Variants in F8 observed in about 807,000 individuals in gnomAD.
The protein encoded by F8 is antihemophilic factor.
A neutral mutation model predicts 140.6 loss-of-function variants in F8; 12 were observed. The observed-to-expected ratio is 0.09, with a 90% CI of 0.05 to 0.14. The LOEUF (loss-of-function observed/expected upper bound fraction) is 0.14, where lower values mean the gene tolerates loss of function less well. Ranked by LOEUF, F8 falls within the 10% of genes least tolerant of loss-of-function variation. The pLI is 1.00. For synonymous variants in F8, 585 were observed against 614.6 expected (o/e 0.95, Z 0.71); for missense variants, 1,354 against 1,720.7 (o/e 0.79, Z 3.77).
rs376314518 is a variant in F8, at chrX:154,983,186, G to C, written c.787+1501C>G. 3.6e-5 allele frequency among the ~76,000 whole-genome samples: 4 copies of C among 111,829 alleles called. No homozygotes were observed. The East Asian group carries it at 1.1e-3, about 31-fold the overall frequency. ...ACCATTGTGTTTATAATTTTTATGA[G>C]CACGTTTTGTTATGATTGTTTTTCA... On this transcript the variant is annotated intron_variant, in intron 6 of 25. Coordinates refer to ENST00000360256, the MANE Select transcript of F8 (RefSeq NM_000132.4).
chrX:154,940,753 G>A (rs1383450727), intron 13 of F8, among the ~76,000 whole-genome samples: 1 of 111,814 alleles, frequency 8.9e-6, no homozygotes, highest in Non-Finnish European at 1.9e-5. Flanking sequence ...AAATGTTAAG[G>A]ACAGCCAGAC....
intron 14 of F8, chrX:154,909,291 G>A (rs2073053152): frequency 1.5e-5 from 2 of 135,802 alleles, no homozygotes; most frequent in Admixed American, 9.2e-5. Context: ...TCCTGGAGAG[G>A]TAGGCACAAG....
chrX:154,969,489 T>C lies in F8; in HGVS notation c.851A>G (p.Glu284Gly). The change falls in exon 7 of 26, where the codon GAA (glutamate) becomes GGA (glycine). Residue 284 changes from glutamate to glycine, a missense_variant. This residue lies in a region of F8 where 128 missense variants were observed against 230.4 expected (regional missense o/e 0.56). Transcript: ENST00000360256. ...ACCTTCGAGGAATATTGAGTGCACT[T>C]CAGGAGTGGTGCCCATTCCAATCAC... The part of the protein sequence containing the change: ...WHVIGMGTTP[E>G]VHSIFLEGHT... 1 of 1,211,343 alleles carries C rather than the reference T, an allele frequency of 8.3e-7. No homozygotes were observed. The highest frequency in any genetic ancestry group is 1.1e-6 in the Non-Finnish European group (1 of 895,299).
intron 6 of F8, among the ~76,000 whole-genome samples, chrX:154,983,313 G>T (rs1557283908): frequency 9.0e-6 from 1 of 111,517 alleles, no homozygotes; most frequent in East Asian, 2.8e-4. Flanking sequence ...CAGTTCAGTG[G>T]TATATATACA....
chrX:154,894,739 C>G (rs1030136080), intron 22 of F8, among the ~76,000 whole-genome samples: 2 of 95,222 alleles, frequency 2.1e-5, no homozygotes, highest in Admixed American at 1.1e-4. Flanking sequence ...TCCTACCCCC[C>G]CTCAAAAAGA....
chrX:154,965,806 C>G, intron 9 of F8, 164 bp downstream of exon 9: 2 of 499,141 alleles, frequency 4.0e-6, no homozygotes, highest in Non-Finnish European at 6.6e-6. Context: ...ATTCTATATA[C>G]TCAAACTTTA....
intron 22 of F8, among the ~76,000 whole-genome samples, chrX:154,891,985 G>A (rs1386192133): frequency 9.0e-6 from 1 of 111,706 alleles, no homozygotes; most frequent in Non-Finnish European, 1.9e-5. Context: ...AGAGACTGGG[G>A]AGTGGTTGCC....
chrX:154,902,216 G>A, intron 18 of F8, 49 bp from the exon 19 acceptor site: 1 of 942,419 alleles, frequency 1.1e-6, no homozygotes, highest in South Asian at 1.9e-5. Context: ...ACTAAAAAAT[G>A]AGCATGAGAT....
At position 154,993,151 on chromosome X, in the gene F8, A is replaced by G. The variant is rs782422456; in HGVS notation, c.389-3T>C. 1 of 1,202,396 alleles carries G rather than the reference A, an allele frequency of 8.3e-7. No individual in the cohort carries two copies. The highest frequency in any genetic ancestry group is 1.1e-6 in the Non-Finnish European group (1 of 888,185). On this transcript the variant is annotated splice_region_variant and splice_polypyrimidine_tract_variant and intron_variant, in intron 3 of 25. Transcript: ENST00000360256. The stretch of plus-strand genomic sequence containing the variant: ...GGTCTGATCATCATATTCAGCTCCT[A>G]TAGCAGGAAGAAATAAAATTGTCCT...
At chrX:154,900,976 C>G (rs2073006920) in intron 20 of F8, among the ~76,000 whole-genome samples, 1 of 112,749 alleles carries the variant, frequency 8.9e-6, no homozygotes, top group Non-Finnish European at 1.9e-5. Flanking sequence ...ACATGCCATA[C>G]AAAAACAGGC....
intron 13 of F8, among the ~76,000 whole-genome samples, chrX:154,944,765 C>T (rs1255240185): frequency 4.5e-5 from 5 of 111,493 alleles, no homozygotes; most frequent in African/African-American, 1.6e-4. Flanking sequence ...GACTTGGAAC[C>T]AACCCAAATG....
intron 22 of F8, among the ~76,000 whole-genome samples, chrX:154,888,406 T>TTTTTTTTTTTTTG: frequency 1.4e-5 from 1 of 73,725 alleles, no homozygotes; most frequent in Non-Finnish European, 2.4e-5. Flanking sequence ...TTTTTTTTTT[T>TTTTTTTTTTTTTG]CCCCCCGAGA....
chrX:154,919,415 A>G (rs782810357), intron 14 of F8, among the ~76,000 whole-genome samples: 1 of 111,278 alleles, frequency 9.0e-6, no homozygotes, highest in South Asian at 3.9e-4. Context: ...TTCATTCTTC[A>G]ATAAAATATT....
chrX:154,988,810 C>G lies in F8; in HGVS notation c.602-1505G>C, dbSNP rs140815785. Among the ~76,000 whole-genome samples the G allele has an allele frequency of 6.7e-3, 752 of 111,721 alleles. 5 individuals are homozygous for G. Among genetic ancestry groups the G allele is most frequent in the Middle Eastern group, 0.023 (5 of 217 alleles). On this transcript the variant is annotated intron_variant, in intron 4 of 25. Transcript: ENST00000360256. ...ATGGCCCTAAACAAAGAGTGAGCAG[C>G]AGCTGTGCTCAGCTCTCTTTCAAGT...
intron 14 of F8, among the ~76,000 whole-genome samples, chrX:154,915,583 G>A (rs782703193): frequency 9.0e-6 from 1 of 111,239 alleles, no homozygotes; most frequent in African/African-American, 3.3e-5. Context: ...TATAGCTATT[G>A]AAAATGAAAA....
chrX:154,877,558 T>C (rs1557274129), intron 22 of F8, among the ~76,000 whole-genome samples: 1 of 110,882 alleles, frequency 9.0e-6, no homozygotes, highest in African/African-American at 3.3e-5. Context: ...AGTGGCGCCA[T>C]CTCCGCTCAC....
At chrX:154,906,104 A>T (rs1300824407) in intron 15 of F8, among the ~76,000 whole-genome samples, 1 of 111,998 alleles carries the variant, frequency 8.9e-6, no homozygotes, top group East Asian at 2.8e-4. Context: ...AAATGGTTAC[A>T]TAAACTATGG....
chrX:154,980,472 A>G lies in F8; in HGVS notation c.787+4215T>C, dbSNP rs782120212. Among the ~76,000 whole-genome samples, 30 of 112,033 alleles carry G rather than the reference A, an allele frequency of 2.7e-4. 1 individual carries two copies. The highest frequency in any genetic ancestry group is 8.1e-4 in the African/African-American group (25 of 30,787). On this transcript the variant is annotated intron_variant, in intron 6 of 25. Transcript: ENST00000360256. ...CTATTTTGAATTCTTTGTCTACCAGATCATTCACCTGCATGTCTTTAGGAT... is the reference window on the plus strand; with the variant it reads ...CTATTTTGAATTCTTTGTCTACCAGGTCATTCACCTGCATGTCTTTAGGAT...
At chrX:154,904,555 A>G (rs782163304) in intron 16 of F8, 31 bp from the exon 17 acceptor site, 3 of 1,126,323 alleles carry the variant, frequency 2.7e-6, no homozygotes, top group Non-Finnish European at 3.7e-6. Flanking sequence ...TCCTATGAGT[A>G]TAAGCTCTCT....
Sources: gnomAD v4.1 joint callset for allele counts (sites outside exome capture counted in the v4.1 genomes callset) on GRCh38, gnomAD v4.1.1 for gene constraint, gnomAD v4.1.1 regional missense constraint, MANE v1.5 for transcripts, NCBI Gene and HGNC (gene_info 2026-07-23, HGNC 2026-07-21) for gene names.